NFKBIB: variants seen among roughly 807,000 people sequenced by gnomAD.
The protein encoded by NFKBIB is NFKB inhibitor beta.
In NFKBIB, 16 loss-of-function variants were observed where a neutral mutation model predicts 32.1. The ratio of observed to expected loss-of-function variants is 0.50; its 90% CI spans 0.34 to 0.76. NFKBIB has a LOEUF of 0.76. Ranked by LOEUF, NFKBIB falls within the 30% of genes least tolerant of loss-of-function variation. The probability of loss-of-function intolerance (pLI) is 0.01; values close to 1 mark genes in which losing one functional copy is unlikely to be tolerated. For synonymous variants in NFKBIB, 222 were observed against 219.5 expected, an observed-to-expected ratio of 1.01 and a Z score of -0.10; for missense variants, 437 against 514.9, an observed-to-expected ratio of 0.85 and a Z score of 1.46.
rs529758714 is a variant in NFKBIB, at chr19:38,905,560, C to G, written c.619+25C>G. Reference sequence around the variant, plus strand: ...GGTGAGGGTCGTCACCAGGGAAGGACTCAGCTCCTGGGCTAGGCGAGAGCA... The same window carrying G: ...GGTGAGGGTCGTCACCAGGGAAGGAGTCAGCTCCTGGGCTAGGCGAGAGCA... On this transcript the variant is annotated intron_variant, in intron 3 of 5. Transcript: ENST00000313582. This position sits in a 1 kb window ranked among gnomAD's most constrained non-coding sequence, Gnocchi z 5.5. 1.8e-4 allele frequency: 277 copies of G among 1,564,692 alleles called. No individual in the cohort carries two copies. The highest frequency in any genetic ancestry group is 2.5e-4 in the Admixed American group (14 of 55,546).
At chr19:38,907,162 C>T (rs2144738192) in intron 3 of NFKBIB, 59 bp from the exon 4 acceptor site, 1 of 1,486,820 alleles carries the variant, frequency 6.7e-7, no homozygotes, top group Non-Finnish European at 9.2e-7. Flanking sequence ...AGGATCAAAG[C>T]ACGGTGGGGT....
intron 1 of NFKBIB, among the ~76,000 whole-genome samples, chr19:38,902,131 A>G (rs955498245): frequency 8.2e-6 from 1 of 121,240 alleles, no homozygotes; most frequent in Non-Finnish European, 1.6e-5. Flanking sequence ...CCCAGGCTGG[A>G]GTGCAGTGGT....
At chr19:38,901,867 A>C (rs1568412593) in intron 1 of NFKBIB, among the ~76,000 whole-genome samples, 1 of 151,908 alleles carries the variant, frequency 6.6e-6, no homozygotes, top group Non-Finnish European at 1.5e-5. Context: ...GGGATGAACC[A>C]CTGTGCCCAG....
At chr19:38,908,424 A>C (rs1974217202) in intron 5 of NFKBIB, 1 of 841,330 alleles carries the variant, frequency 1.2e-6, no homozygotes, top group Admixed American at 5.0e-5. Flanking sequence ...CTATAATCCC[A>C]GCTACTTGGG....
chr19:38,905,292 A>G lies in NFKBIB; in HGVS notation c.376A>G (p.Arg126Gly). ...AGAGLCVAER[R>G]GHTALHLACR... ...CGCCGGGCTGTGTGTGGCGGAGCGT[A>G]GGGGCCACACGGCGCTGCACCTGGC... Residue 126 changes from arginine (R) to glycine (G), a missense_variant, in exon 3 of 6, where the codon AGG becomes GGG. Coordinates refer to ENST00000313582, the MANE Select transcript of NFKBIB (RefSeq NM_002503.5). The surrounding 1 kb of genome is among the most constrained non-coding windows in gnomAD (Gnocchi z 5.5). The G allele has an allele frequency of 1.2e-6, 2 of 1,605,800 alleles. No homozygotes were observed. The highest frequency in any genetic ancestry group is 8.5e-7 in the Non-Finnish European group (1 of 1,177,058).
At position 38,907,525 on chromosome 19, in the gene NFKBIB, G is replaced by A. The variant is rs756116382; in HGVS notation, c.835G>A (p.Gly279Ser). The A allele has an allele frequency of 6.3e-5, 102 of 1,612,506 alleles. No individual in the cohort carries two copies. The highest frequency in any genetic ancestry group is 1.6e-4 in the African/African-American group (12 of 74,930). ...ARMYGGRTPL[G>S]SAMLRPNPIL... ...CATGTACGGTGGCCGCACCCCACTC[G>A]GCAGTGCCATGCTCCGGCCCAACCC... Residue 279 changes from glycine to serine, a missense_variant, in exon 5 of 6, where the codon GGC becomes AGC. Gly to Ser is a moderately conservative substitution (Grantham distance 56). Transcript: ENST00000313582.
At chr19:38,907,826 G>T (rs918609199) in intron 5 of NFKBIB, 167 bp downstream of exon 5, 1 of 1,423,578 alleles carries the variant, frequency 7.0e-7, no homozygotes, top group Non-Finnish European at 9.2e-7. Context: ...GGACAGGGGT[G>T]GTGGGAAGAG....
In NFKBIB at chr19:38,905,014, G is replaced by A; in HGVS notation, c.180-1G>A. On this transcript the variant is annotated splice_acceptor_variant, in intron 1 of 5. Coordinates refer to ENST00000313582, the MANE Select transcript of NFKBIB (RefSeq NM_002503.5). LOFTEE classifies it high-confidence loss of function. The surrounding 1 kb of genome is among the most constrained non-coding windows in gnomAD (Gnocchi z 5.5). ...CCTCTCACCCCGGTCTTTGTCCCCAGGGCACTGCACTTGGCTGTGATTCAT... is the reference window on the plus strand; with the variant it reads ...CCTCTCACCCCGGTCTTTGTCCCCAAGGCACTGCACTTGGCTGTGATTCAT... 1 of 1,613,940 alleles carries A rather than the reference G, an allele frequency of 6.2e-7. No homozygotes were observed. Among genetic ancestry groups the A allele is most frequent in the Non-Finnish European group, 8.5e-7 (1 of 1,179,878 alleles).
intron 5 of NFKBIB, chr19:38,908,525 C>T (rs1179255254): frequency 3.1e-5 from 40 of 1,280,262 alleles, no homozygotes; most frequent in Middle Eastern, 2.9e-4. Context: ...GGCAACAGAG[C>T]GAGACTCCAT....
intron 5 of NFKBIB, chr19:38,908,066 G>T (rs1974201755): frequency 4.7e-6 from 5 of 1,062,460 alleles, no homozygotes; most frequent in Non-Finnish European, 5.7e-6. Flanking sequence ...CCAGCGGTGG[G>T]GAGAGATATA....
At chr19:38,906,757 C>A (rs2144736980) in intron 3 of NFKBIB, among the ~76,000 whole-genome samples, 1 of 152,324 alleles carries the variant, frequency 6.6e-6, no homozygotes, top group South Asian at 2.1e-4. Flanking sequence ...GCGTGAGCCA[C>A]TGTGCCTGGC....
At chr19:38,907,802 G>A in intron 5 of NFKBIB, 143 bp downstream of exon 5, 2 of 1,444,766 alleles carry the variant, frequency 1.4e-6, no homozygotes, top group Non-Finnish European at 1.8e-6. Flanking sequence ...CGGGGCACTA[G>A]TCAGGAGAGA....
chr19:38,908,134 G>A, intron 5 of NFKBIB: 3 of 1,000,868 alleles, frequency 3.0e-6, no homozygotes, highest in Non-Finnish European at 3.6e-6. Flanking sequence ...CTGGATGATG[G>A]GTGCGGAGGA....
chr19:38,901,131 C>G (rs566674953), intron 1 of NFKBIB, among the ~76,000 whole-genome samples: 1 of 152,268 alleles, frequency 6.6e-6, no homozygotes, highest in South Asian at 2.1e-4. Context: ...GGTTTTTTGT[C>G]TGTTGTGTTT....
chr19:38,901,469 A>T (rs1241923488), intron 1 of NFKBIB, among the ~76,000 whole-genome samples: 1 of 142,546 alleles, frequency 7.0e-6, no homozygotes, highest in Non-Finnish European at 1.5e-5. Flanking sequence ...AAATTTTTAA[A>T]TTTTTTTGTC....
At position 38,905,030 on chromosome 19, in the gene NFKBIB, T is replaced by C. The variant is rs776457541; in HGVS notation, c.195T>C (p.Ala65=). Residue 65 remains alanine, a synonymous_variant, in exon 2 of 6, where the codon GCT becomes GCC. Transcript: ENST00000313582. The surrounding 1 kb of genome is among the most constrained non-coding windows in gnomAD (Gnocchi z 5.5). The part of the protein sequence containing the change: ...TEDGDTALHL[A]VIHQHEPFLD... ...TTGTCCCCAGGGCACTGCACTTGGC[T>C]GTGATTCATCAGCATGAACCCTTCC... 4.3e-6 allele frequency: 7 copies of C among 1,614,190 alleles called. No homozygotes were observed. Among genetic ancestry groups the C allele is most frequent in the Non-Finnish European group, 5.9e-6 (7 of 1,180,018 alleles).
chr19:38,908,368 G>C (rs1974214995), intron 5 of NFKBIB: 2 of 816,074 alleles, frequency 2.5e-6, no homozygotes, highest in Admixed American at 5.8e-5. Context: ...GCAAGACCCT[G>C]TCTCTACTAA....
intron 3 of NFKBIB, 53 bp from the exon 4 acceptor site, chr19:38,907,167 TG>T: frequency 6.6e-7 from 1 of 1,511,642 alleles, no homozygotes. Flanking sequence ...CAAAGCACGG[TG>T]GGGTGGGGGG....
At chr19:38,902,085 C>CTTTCTTTTTT (rs1973984662) in intron 1 of NFKBIB, among the ~76,000 whole-genome samples, 2 of 92,390 alleles carry the variant, frequency 2.2e-5, no homozygotes, top group South Asian at 4.5e-4. Context: ...CATTTTATTT[C>CTTTCTTTTTT]TTTTTTTTTT....
Sources: gnomAD v4.1 joint callset for allele counts (sites outside exome capture counted in the v4.1 genomes callset) on GRCh38, gnomAD v4.1.1 for gene constraint, Gnocchi (gnomAD v3.1) non-coding constraint, MANE v1.5 for transcripts, NCBI Gene and HGNC (gene_info 2026-07-23, HGNC 2026-07-21) for gene names.